Variants in ADGRE3 observed in about 807,000 individuals in gnomAD.
The protein encoded by ADGRE3 is EGF-like module receptor 3.
Under a neutral mutation model 80.1 loss-of-function variants are expected in ADGRE3, and 88 were observed. The ratio of observed to expected loss-of-function variants is 1.10; its 90% CI spans 0.93 to 1.31. The LOEUF (loss-of-function observed/expected upper bound fraction) is 1.31. Ranked by LOEUF, ADGRE3 falls within the 40% of genes most tolerant of loss-of-function variation. The probability of loss-of-function intolerance (pLI) is 0.00; values close to 1 mark genes in which losing one functional copy is unlikely to be tolerated. For synonymous variants in ADGRE3, 281 were observed against 294.8 expected (o/e 0.95, Z 0.48); for missense variants, 715 against 776.5 (o/e 0.92, Z 0.94).
the ADGRE3 span, among the ~76,000 whole-genome samples, chr19:14,612,249 G>T: frequency 6.6e-6 from 1 of 152,088 alleles, no homozygotes; most frequent in South Asian, 2.1e-4. Flanking sequence ...TTCTTCTGAG[G>T]CCTCCTGTCT....
the ADGRE3 span, among the ~76,000 whole-genome samples, chr19:14,603,457 A>G: frequency 6.6e-6 from 1 of 151,944 alleles, no homozygotes; most frequent in Non-Finnish European, 1.5e-5. Flanking sequence ...TGTGCAAAGT[A>G]GTATAGCTCA....
At chr19:14,610,367 T>G in the ADGRE3 span, 8 of 885,026 alleles carry the variant, frequency 9.0e-6, no homozygotes, top group East Asian at 1.9e-4. Context: ...AGGCTGTTTC[T>G]AGAGTGAGGA....
In ADGRE3 at chr19:14,636,081, C is replaced by CCTTTCTTTCTTTCTTT. The variant is rs1173314767; in HGVS notation, c.1484+2008_1484+2023dup. Among the ~76,000 whole-genome samples, 30 of 24,656 alleles carry CCTTTCTTTCTTTCTTT rather than the reference C, an allele frequency of 1.2e-3. 3 individuals are homozygous for CCTTTCTTTCTTTCTTT. Among genetic ancestry groups the CCTTTCTTTCTTTCTTT allele is most frequent in the East Asian group, 8.9e-3 (6 of 674 alleles). The allele number at this position is 24,656 out of a possible 152,430, so 16.2% of individuals were successfully genotyped here. On this transcript the variant is annotated intron_variant, in intron 11 of 15. Coordinates refer to ENST00000253673, the MANE Select transcript of ADGRE3 (RefSeq NM_032571.5). ...CCTTCCTTTCCTTTCCTTTCCTTTCCCTTTCTTTCTTTCTTTCTTTCTTTC... is the reference window on the plus strand; with the variant it reads ...CCTTCCTTTCCTTTCCTTTCCTTTCCCTTTCTTTCTTTCTTTCTTTCTTTCTTTCTTTCTTTCTTTC...
At chr19:14,635,508 T>G (rs1971013423) in intron 11 of ADGRE3, among the ~76,000 whole-genome samples, 1 of 150,698 alleles carries the variant, frequency 6.6e-6, no homozygotes, top group South Asian at 2.1e-4. Context: ...ACCTCCCGGG[T>G]TCAAGTGATT....
At chr19:14,668,129 T>C (rs1411606612) in intron 2 of ADGRE3, among the ~76,000 whole-genome samples, 1 of 152,054 alleles carries the variant, frequency 6.6e-6, no homozygotes, top group Non-Finnish European at 1.5e-5. Context: ...CACGTGTCTT[T>C]AGTCCCAGCT....
the ADGRE3 span, among the ~76,000 whole-genome samples, chr19:14,606,723 G>A: frequency 6.6e-6 from 1 of 151,774 alleles, no homozygotes; most frequent in South Asian, 2.1e-4. Flanking sequence ...ACTACCAGGA[G>A]GTAGCTACTG....
intron 15 of ADGRE3, among the ~76,000 whole-genome samples, chr19:14,624,899 C>G (rs1259390940): frequency 6.6e-6 from 1 of 151,862 alleles, no homozygotes; most frequent in African/African-American, 2.4e-5. Flanking sequence ...GGGAGGGGAA[C>G]AACACTCACT....
chr19:14,620,388 A>ACATGTATATATTAATATATATGTATATT (rs1970506620), intron 15 of ADGRE3, among the ~76,000 whole-genome samples: 1 of 47,702 alleles, frequency 2.1e-5, no homozygotes, highest in Non-Finnish European at 4.3e-5. Flanking sequence ...ATTCATATAT[A>ACATGTATATATTAATATATATGTATATT]CATGTATATA....
chr19:14,631,060 A>C (rs2894655), intron 13 of ADGRE3, among the ~76,000 whole-genome samples: 140,535 of 151,962 alleles, frequency 0.92, 65,035 homozygotes, highest in South Asian at 0.94. Context: ...TTAGTAGAGA[A>C]GGGGTTTCAC....
rs150571296 is a variant in ADGRE3, at chr19:14,674,616, C to T, written c.25+130G>A. The T allele has an allele frequency of 3.9e-4, 342 of 869,480 alleles. 4 individuals are homozygous for T. In the East Asian group the frequency reaches 9.0e-3, roughly 23 times the overall value. The allele number at this position is 869,480 out of a possible 1,614,324, so 53.9% of individuals were successfully genotyped here. On this transcript the variant is annotated intron_variant, in intron 1 of 15. Transcript: ENST00000253673. ...AATAGGGTAGTCAGGAAGGAAACCA[C>T]ACTCCAAAGGGAAAAGGTGAGAGTG...
At chr19:14,612,776 C>T in the ADGRE3 span, among the ~76,000 whole-genome samples, 411 of 152,176 alleles carry the variant, frequency 2.7e-3, 1 homozygote, top group African/African-American at 9.5e-3. Context: ...GACCCCCACC[C>T]GACCCTCCTG....
chr19:14,664,657 C>T lies in ADGRE3; in HGVS notation c.77-1117G>A, dbSNP rs112683771. ...CCAGGAGTTTGAGGCTGCAGTGAGT[C>T]GTGGTCATGTCATTACACTGCAGCC... is the stretch of plus-strand genomic sequence containing the variant. On this transcript the variant is annotated intron_variant, in intron 2 of 15. Coordinates refer to ENST00000253673, the MANE Select transcript of ADGRE3 (RefSeq NM_032571.5). Among the ~76,000 whole-genome samples, 1,152 of 152,094 alleles carry T rather than the reference C, an allele frequency of 7.6e-3. 14 individuals carry two copies. Among genetic ancestry groups the T allele is most frequent in the African/African-American group, 0.027 (1,114 of 41,470 alleles).
At chr19:14,616,214 C>G (rs1378978435), downstream of ADGRE3, among the ~76,000 whole-genome samples, 1 of 152,108 alleles carries the variant, frequency 6.6e-6, no homozygotes, top group Non-Finnish European at 1.5e-5. Flanking sequence ...TCGTGATCTG[C>G]CCATCTCGGC....
chr19:14,627,468 G>A (rs1296632271), intron 14 of ADGRE3, among the ~76,000 whole-genome samples: 1 of 151,976 alleles, frequency 6.6e-6, no homozygotes, highest in Non-Finnish European at 1.5e-5. Context: ...ACCTCTGCCT[G>A]CCAGGTTAAA....
chr19:14,630,477 C>T (rs879893713), intron 13 of ADGRE3, among the ~76,000 whole-genome samples: 4 of 151,964 alleles, frequency 2.6e-5, no homozygotes, highest in African/African-American at 7.3e-5. Flanking sequence ...GACATGATCT[C>T]GACTCACTGC....
intron 9 of ADGRE3, among the ~76,000 whole-genome samples, chr19:14,643,088 G>T (rs1324510476): frequency 3.5e-5 from 5 of 143,402 alleles, no homozygotes; most frequent in Non-Finnish European, 6.1e-5. Flanking sequence ...ACCAGCATCT[G>T]TTATTTTTTG....
At chr19:14,650,276 A>C (rs1460093271) in intron 7 of ADGRE3, among the ~76,000 whole-genome samples, 31 of 116,102 alleles carry the variant, frequency 2.7e-4, no homozygotes, top group Admixed American at 6.3e-4. Context: ...TTCTCTCCCC[A>C]TCTCTGTCTT....
the ADGRE3 span, among the ~76,000 whole-genome samples, chr19:14,601,040 T>G: frequency 6.6e-6 from 1 of 151,398 alleles, no homozygotes; most frequent in Non-Finnish European, 1.5e-5. Flanking sequence ...GTAGCTGGGA[T>G]TGCAGGCATG....
chr19:14,617,058 G>A (rs949629205), downstream of ADGRE3, among the ~76,000 whole-genome samples: 1 of 151,818 alleles, frequency 6.6e-6, no homozygotes, highest in Non-Finnish European at 1.5e-5. Flanking sequence ...GCCTCCCAAA[G>A]TGCTGGGATT....
Sources: allele counts gnomAD v4.1 joint callset (sites outside exome capture counted in the v4.1 genomes callset), GRCh38; gene constraint gnomAD v4.1.1; transcripts MANE v1.5; gene names NCBI Gene and HGNC (gene_info 2026-07-23, HGNC 2026-07-21).